CNKSR2: variants seen among roughly 807,000 people sequenced by gnomAD.
CNKSR2 encodes connector enhancer of kinase suppressor of Ras 2.
Under a neutral mutation model 84.4 loss-of-function variants are expected in CNKSR2, and 14 were observed. The ratio of observed to expected loss-of-function variants is 0.17; its 90% CI spans 0.11 to 0.26. The LOEUF is 0.26. Ranked by LOEUF, CNKSR2 falls within the 10% of genes least tolerant of loss-of-function variation. The pLI, the probability that CNKSR2 is intolerant of heterozygous loss-of-function variation, is 1.00. For synonymous variants in CNKSR2, 275 were observed against 277.9 expected (o/e 0.99, Z 0.10); for missense variants, 485 against 771.2 (o/e 0.63, Z 4.40).
At chrX:21,534,691 C>A (rs997028344) in intron 11 of CNKSR2, among the ~76,000 whole-genome samples, 1 of 110,969 alleles carries the variant, frequency 9.0e-6, no homozygotes, top group South Asian at 3.8e-4. Context: ...TGATAAACGA[C>A]GTTAAGCATT....
chrX:21,609,300 C>T lies in CNKSR2; in HGVS notation c.2375C>T (p.Ser792Phe). The T allele has an allele frequency of 8.3e-7, 1 of 1,211,684 alleles. No individual in the cohort carries two copies. Residue 792 changes from serine (S) to phenylalanine (F), a missense_variant, in exon 20 of 22, where the codon TCT becomes TTT. By Grantham distance (155) the Ser-to-Phe change is radical. Transcript: ENST00000379510. ...CTTCAGACTCTGCCCCTGGAGGATT[C>T]TGTCTTCTCTGACTCCGCGGCCATC... ...HYLQTLPLED[S>F]VFSDSAAISP...
At chrX:21,575,352 G>T (rs2092312516) in intron 13 of CNKSR2, among the ~76,000 whole-genome samples, 1 of 109,777 alleles carries the variant, frequency 9.1e-6, no homozygotes, top group African/African-American at 3.3e-5. Context: ...TCAACTATCG[G>T]TACTCCTCCT....
chrX:21,442,943 C>A (rs1328948047), intron 4 of CNKSR2, among the ~76,000 whole-genome samples: 1 of 110,406 alleles, frequency 9.1e-6, no homozygotes, highest in Non-Finnish European at 1.9e-5. Flanking sequence ...TAAGTGGGAG[C>A]TAAACATTGA....
At chrX:21,608,691 G>A (rs941739108) in intron 19 of CNKSR2, among the ~76,000 whole-genome samples, 1 of 111,669 alleles carries the variant, frequency 9.0e-6, no homozygotes, top group African/African-American at 3.3e-5. Context: ...CAAGCTACAT[G>A]AAATCAGGAA....
chrX:21,459,299 C>G (rs2091032629), intron 4 of CNKSR2, among the ~76,000 whole-genome samples: 1 of 112,200 alleles, frequency 8.9e-6, no homozygotes, highest in Non-Finnish European at 1.9e-5. Context: ...GCTGGGATTA[C>G]AGGCGTGAGC....
intron 10 of CNKSR2, among the ~76,000 whole-genome samples, chrX:21,527,211 TTAAA>T (rs1252349995): frequency 9.1e-6 from 1 of 110,227 alleles, no homozygotes; most frequent in Non-Finnish European, 1.9e-5. Flanking sequence ...TTGCTGTGCA[TTAAA>T]TAATTTATAC....
chrX:21,491,680 C>T (rs1263274903), intron 6 of CNKSR2: 1 of 111,887 alleles, frequency 8.9e-6, no homozygotes, highest in Non-Finnish European at 1.9e-5. Context: ...GCATATCAGA[C>T]ATAGCATGCC....
chrX:21,645,759 G>A (rs1030762244), intron 20 of CNKSR2: 3 of 111,344 alleles, frequency 2.7e-5, no homozygotes, highest in African/African-American at 6.5e-5. Flanking sequence ...AAGTGAGAAG[G>A]AGATGAAGAA....
At chrX:21,535,195 G>A (rs2091917088) in intron 11 of CNKSR2, among the ~76,000 whole-genome samples, 3 of 110,823 alleles carry the variant, frequency 2.7e-5, no homozygotes, top group Admixed American at 9.6e-5. Context: ...CTGTAAATAC[G>A]GACTTATTTC....
At chrX:21,495,783 C>CAAAAAAAAAAAAAAAAAAAAA (rs55689293) in intron 6 of CNKSR2, 2 of 6,963 alleles carry the variant, frequency 2.9e-4, no homozygotes, top group African/African-American at 5.5e-4. Flanking sequence ...AGCTCCGTCT[C>CAAAAAAAAAAAAAAAAAAAAA]AAAAAAAAAA....
chrX:21,467,597 G>A (rs1330015930), intron 4 of CNKSR2, among the ~76,000 whole-genome samples: 2 of 111,259 alleles, frequency 1.8e-5, no homozygotes, highest in Non-Finnish European at 3.8e-5. Flanking sequence ...CTTTACATAC[G>A]TAAGTGCTAC....
intron 1 of CNKSR2, among the ~76,000 whole-genome samples, chrX:21,387,762 C>T (rs2089990386): frequency 1.8e-5 from 2 of 110,969 alleles, no homozygotes; most frequent in Admixed American, 9.5e-5. Context: ...ATATAACCTA[C>T]CTAGTCACAT....
chrX:21,574,856 A>G (rs1400191024), intron 13 of CNKSR2, among the ~76,000 whole-genome samples: 1 of 111,952 alleles, frequency 8.9e-6, no homozygotes, highest in East Asian at 2.8e-4. Flanking sequence ...AAAGTAACCT[A>G]TAGTTTTCAG....
At chrX:21,623,049 C>A (rs1015962834) in intron 20 of CNKSR2, among the ~76,000 whole-genome samples, 1 of 110,783 alleles carries the variant, frequency 9.0e-6, no homozygotes, top group East Asian at 2.8e-4. Flanking sequence ...CCTGGTTGGA[C>A]TTTTACAGAT....
intron 1 of CNKSR2, among the ~76,000 whole-genome samples, chrX:21,386,156 A>G (rs1255416488): frequency 9.0e-6 from 1 of 111,563 alleles, no homozygotes; most frequent in African/African-American, 3.3e-5. Context: ...CATTTTACCA[A>G]AAATAATGAT....
At chrX:21,543,967 G>A (rs542546127) in intron 11 of CNKSR2, among the ~76,000 whole-genome samples, 8 of 111,118 alleles carry the variant, frequency 7.2e-5, no homozygotes, top group South Asian at 3.8e-4. Flanking sequence ...GATTACAGGC[G>A]TGCATCACCA....
chrX:21,382,713 T>G (rs2089916317), intron 1 of CNKSR2, among the ~76,000 whole-genome samples: 1 of 111,759 alleles, frequency 8.9e-6, no homozygotes, highest in Non-Finnish European at 1.9e-5. Context: ...TTTATTATAT[T>G]TAGTGTTCAA....
intron 13 of CNKSR2, among the ~76,000 whole-genome samples, chrX:21,578,005 A>G (rs1418433934): frequency 2.7e-5 from 3 of 111,475 alleles, no homozygotes; most frequent in East Asian, 2.8e-4. Context: ...GTTTGCAGCC[A>G]TTATGGATTT....
At chrX:21,429,152 G>A (rs1354286376) in intron 2 of CNKSR2, 1 of 112,183 alleles carries the variant, frequency 8.9e-6, no homozygotes, top group Non-Finnish European at 1.9e-5. Flanking sequence ...AGAGAAGGCT[G>A]ATATGAACTT....
Sources: gnomAD v4.1 joint callset for allele counts (sites outside exome capture counted in the v4.1 genomes callset) on GRCh38, gnomAD v4.1.1 for gene constraint, MANE v1.5 for transcripts, NCBI Gene and HGNC (gene_info 2026-07-23, HGNC 2026-07-21) for gene names.